ZNF532: variants seen among roughly 807,000 people sequenced by gnomAD.
ZNF532 encodes zinc finger protein 532.
In ZNF532, 22 loss-of-function variants were observed where a neutral mutation model predicts 89.3. The observed-to-expected ratio is 0.25, with a 90% confidence interval of 0.18 to 0.35. The LOEUF (loss-of-function observed/expected upper bound fraction) is 0.35, where lower values mean the gene tolerates loss of function less well. Among genes scored for constraint, ZNF532 ranks in the 10% least tolerant of loss-of-function variants. ZNF532 has a pLI of 1.00. For synonymous variants in ZNF532, 606 were observed against 649.6 expected, an observed-to-expected ratio of 0.93 and a Z score of 1.02; for missense variants, 1,132 against 1,643.4, an observed-to-expected ratio of 0.69 and a Z score of 5.38.
Position 58,912,796 on chromosome 18 carries a change from C to T in ZNF532, c.-17-5475C>T, listed in dbSNP as rs1172489592. Among the ~76,000 whole-genome samples, 3 of 152,060 alleles carry T rather than the reference C, an allele frequency of 2.0e-5. No individual in the cohort carries two copies. In the South Asian group the frequency reaches 6.2e-4, roughly 32 times the overall value. ...CCACATTTTTTCATGTGTGTGTCTG[C>T]GTGTATGCTATTTTTTTGAAATCTG... On this transcript the variant is annotated intron_variant, in intron 2 of 9. Coordinates refer to ENST00000591808, the MANE Select transcript of ZNF532 (RefSeq NM_001375912.1).
intron 2 of ZNF532, among the ~76,000 whole-genome samples, chr18:58,899,392 C>T (rs1286550314): frequency 6.6e-6 from 1 of 152,136 alleles, no homozygotes; most frequent in Admixed American, 6.6e-5. Context: ...CTCCTTTTGT[C>T]TTGGGAGATG....
chr18:58,911,454 C>G (rs1249498712), intron 2 of ZNF532, among the ~76,000 whole-genome samples: 3 of 152,294 alleles, frequency 2.0e-5, no homozygotes, highest in South Asian at 2.1e-4. Context: ...TTAGGCCAGG[C>G]AGGGTTGCTC....
In ZNF532 at chr18:58,918,661, C is replaced by T. The variant is rs2146055303; in HGVS notation, c.374C>T (p.Thr125Ile). The change falls in exon 3 of 10, where the codon ACA becomes ATA. Residue 125 changes from threonine (T) to isoleucine (I), a missense_variant. Thr to Ile is a moderately conservative substitution (Grantham distance 89). Coordinates refer to ENST00000591808, the MANE Select transcript of ZNF532 (RefSeq NM_001375912.1). ...PASEVTLKDS[T>I]FSQFSPISSA... ...TCTGAGGTGACACTGAAAGACTCGA[C>T]ATTCAGCCAGTTTAGCCCGATCTCC... The T allele has an allele frequency of 6.2e-7, 1 of 1,614,196 alleles. No homozygotes were observed. Among genetic ancestry groups the T allele is most frequent in the Non-Finnish European group, 8.5e-7 (1 of 1,180,042 alleles).
At chr18:58,939,246 CAAAAAAAAAAA>C (rs71336307) in intron 4 of ZNF532, among the ~76,000 whole-genome samples, 188 bp from the exon 5 acceptor site, 586 of 34,552 alleles carry the variant, frequency 0.017, 9 homozygotes, top group African/African-American at 0.048. Context: ...GACGTTGTCT[CAAAAAAAAAAA>C]AAAAAAAAAA....
At chr18:58,907,903 C>T (rs551638459) in intron 2 of ZNF532, among the ~76,000 whole-genome samples, 3 of 152,254 alleles carry the variant, frequency 2.0e-5, no homozygotes, top group Non-Finnish European at 2.9e-5. Context: ...TGCTGAAAGC[C>T]GCAGTCTGAC....
At chr18:58,960,463 G>A (rs947234986) in intron 7 of ZNF532, among the ~76,000 whole-genome samples, 12 of 152,308 alleles carry the variant, frequency 7.9e-5, no homozygotes, top group African/African-American at 2.9e-4. Context: ...GATAGATTCG[G>A]AAGATTTCAG....
At chr18:58,952,643 T>TG (rs1420636470) in intron 6 of ZNF532, among the ~76,000 whole-genome samples, 8 of 152,296 alleles carry the variant, frequency 5.3e-5, no homozygotes, top group Admixed American at 2.6e-4. Flanking sequence ...AGGCTTCAAG[T>TG]GATCCTCCTG....
intron 5 of ZNF532, among the ~76,000 whole-genome samples, chr18:58,941,026 TG>T (rs1440275536): frequency 6.6e-6 from 1 of 151,078 alleles, no homozygotes; most frequent in Non-Finnish European, 1.5e-5. Flanking sequence ...TTTGGGGAAA[TG>T]TGATTGAATA....
intron 4 of ZNF532, among the ~76,000 whole-genome samples, chr18:58,935,237 C>T (rs1257890968): frequency 1.1e-4 from 9 of 81,904 alleles, no homozygotes; most frequent in Admixed American, 4.7e-4. Flanking sequence ...CCTTCTCTCC[C>T]TCCTCCCTTT....
chr18:58,914,646 C>T (rs1291522918), intron 2 of ZNF532, among the ~76,000 whole-genome samples: 7 of 152,194 alleles, frequency 4.6e-5, no homozygotes, highest in Non-Finnish European at 5.9e-5. Context: ...CACTGCTGTA[C>T]TCCAGCCTGG....
chr18:58,981,414 C>T lies in ZNF532; in HGVS notation c.3264-56C>T, dbSNP rs1388949491. On this transcript the variant is annotated intron_variant, in intron 8 of 9. Transcript: ENST00000591808. ...GGAGGACCTTCGACCGTGAGTTCTT[C>T]CACAGGAGCTTATTTTGTCAGCAAG... 9.5e-6 allele frequency: 15 copies of T among 1,585,094 alleles called. 1 individual carries two copies. The East Asian group carries it at 3.1e-4, about 33-fold the overall frequency.
rs564039813 is a variant in ZNF532, at chr18:58,945,971, C to T, written c.2706-2096C>T. On this transcript the variant is annotated intron_variant, in intron 5 of 9. Transcript: ENST00000591808. The stretch of plus-strand genomic sequence containing the variant: ...GTCTCAATCTCCTGACCTTGTGATC[C>T]GCCTGCCTCGGCCTCCCAAAATTCT... Among the ~76,000 whole-genome samples, 17 of 152,170 alleles carry T rather than the reference C, an allele frequency of 1.1e-4. No individual in the cohort carries two copies. In the East Asian group the frequency reaches 2.3e-3, roughly 21 times the overall value.
intron 5 of ZNF532, among the ~76,000 whole-genome samples, chr18:58,942,065 C>T (rs1336582023): frequency 1.4e-5 from 2 of 146,882 alleles, no homozygotes; most frequent in South Asian, 2.3e-4. Flanking sequence ...CTGTGTCGCC[C>T]AGGCTGGAGT....
intron 7 of ZNF532, among the ~76,000 whole-genome samples, chr18:58,961,889 G>T (rs1318851852): frequency 6.6e-6 from 1 of 152,188 alleles, no homozygotes; most frequent in African/African-American, 2.4e-5. Context: ...AAGTATTCAG[G>T]TAGTGGCCAG....
intron 2 of ZNF532, among the ~76,000 whole-genome samples, chr18:58,873,644 G>A (rs1568211505): frequency 6.6e-6 from 1 of 151,924 alleles, no homozygotes; most frequent in Non-Finnish European, 1.5e-5. Context: ...AGTAGAGACG[G>A]GGTAACACCA....
chr18:58,943,325 A>C (rs1277312716), intron 5 of ZNF532, among the ~76,000 whole-genome samples: 1 of 150,868 alleles, frequency 6.6e-6, no homozygotes, highest in East Asian at 1.9e-4. Flanking sequence ...ACGCCTGGCT[A>C]ATTTTTTTGT....
At chr18:58,936,622 G>A (rs766789864) in intron 4 of ZNF532, among the ~76,000 whole-genome samples, 1 of 152,206 alleles carries the variant, frequency 6.6e-6, no homozygotes, top group Non-Finnish European at 1.5e-5. Flanking sequence ...TAGATTTCAA[G>A]TTGTTAACCA....
intron 4 of ZNF532, 64 bp downstream of exon 4, chr18:58,934,678 A>C: frequency 6.6e-7 from 1 of 1,505,582 alleles, no homozygotes; most frequent in Non-Finnish European, 9.1e-7. Flanking sequence ...CAGCATTTTG[A>C]GTGGTTTGCA....
intron 2 of ZNF532, among the ~76,000 whole-genome samples, chr18:58,910,316 T>C (rs2060201221): frequency 6.6e-6 from 1 of 152,208 alleles, no homozygotes; most frequent in Non-Finnish European, 1.5e-5. Flanking sequence ...CTGAGTTGTT[T>C]AGGTTAGTTT....
Sources: gnomAD v4.1 joint callset for allele counts (sites outside exome capture counted in the v4.1 genomes callset) on GRCh38, gnomAD v4.1.1 for gene constraint, MANE v1.5 for transcripts, NCBI Gene and HGNC (gene_info 2026-07-23, HGNC 2026-07-21) for gene names.